The following KIF9 variants were observed in gnomAD, a reference collection of about 807,000 sequenced individuals.
The protein encoded by KIF9 is kinesin-like protein KIF9.
A neutral mutation model predicts 94.8 loss-of-function variants in KIF9; 68 were observed. That is an observed-to-expected ratio of 0.72 (90% CI 0.59 to 0.88). KIF9 has a LOEUF of 0.88. Ranked by LOEUF, KIF9 falls within the 40% of genes least tolerant of loss-of-function variation. The probability of loss-of-function intolerance (pLI) is 0.00; values close to 1 mark genes in which losing one functional copy is unlikely to be tolerated. For synonymous variants in KIF9, 343 were observed against 362.1 expected (o/e 0.95, Z 0.60); for missense variants, 882 against 982.5 (o/e 0.90, Z 1.37).
intron 12 of KIF9, chr3:47,246,525 C>A: frequency 9.0e-6 from 2 of 222,906 alleles, no homozygotes; most frequent in Non-Finnish European, 1.7e-5. Flanking sequence ...TGAAATGATT[C>A]TATACCTTGA....
chr3:47,243,239 C>T lies in KIF9; in HGVS notation c.1521G>A (p.Leu507=). The part of the protein sequence containing the change: ...KKTFKEPLSS[L]ARKEGASSPV... ...GGCTGCTGGCACCTTCCTTTCTTGC[C>T]AAGGAGCTGGAAGAAGGCACGGAAG... The change falls in exon 16 of 21, where the codon TTG becomes TTA. Residue 507 remains leucine (L), a synonymous_variant. Coordinates refer to ENST00000684063, the MANE Select transcript of KIF9 (RefSeq NM_182902.4). 1 of 1,608,486 alleles carries T rather than the reference C, an allele frequency of 6.2e-7. No individual in the cohort carries two copies. Among genetic ancestry groups the T allele is most frequent in the Non-Finnish European group, 8.5e-7 (1 of 1,176,176 alleles).
At chr3:47,269,505 C>T (rs919742268) in intron 5 of KIF9, among the ~76,000 whole-genome samples, 1 of 152,188 alleles carries the variant, frequency 6.6e-6, no homozygotes, top group African/African-American at 2.4e-5. Context: ...TGGTCTTGAA[C>T]TCATGAGCTC....
chr3:47,257,507 G>A lies in KIF9; in HGVS notation c.1035C>T (p.Ala345=). 6.2e-7 allele frequency: 1 copy of A among 1,613,968 alleles called. No individual in the cohort carries two copies. The highest frequency in any genetic ancestry group is 1.1e-5 in the South Asian group (1 of 91,084). Residue 345 remains alanine (A), a synonymous_variant, in exon 10 of 21, where the codon GCC becomes GCT. Transcript: ENST00000684063. ...SRMKLVTTEP[A]INEKYDAERM... is the part of the protein sequence containing the mutation. ...CCTCAGCATCATACTTTTCATTGAT[G>A]GCAGGCTCAGTGGTGACTAGCTTCA...
intron 20 of KIF9, among the ~76,000 whole-genome samples, chr3:47,235,100 A>T (rs1462888840): frequency 1.3e-5 from 2 of 152,132 alleles, no homozygotes; most frequent in Non-Finnish European, 2.9e-5. Context: ...CACCAGCCTA[A>T]CCTGCTCGAG....
chr3:47,232,330 G>A lies in KIF9; in HGVS notation c.2322+3183C>T, dbSNP rs185455948. 6.4e-4 allele frequency among the ~76,000 whole-genome samples: 98 copies of A among 152,054 alleles called. 1 individual carries two copies. The highest frequency in any genetic ancestry group is 6.3e-4 in the Non-Finnish European group (43 of 67,994). On this transcript the variant is annotated intron_variant, in intron 20 of 20. Transcript: ENST00000684063. The stretch of plus-strand genomic sequence containing the variant: ...TACGGAGTCTCACTCTGTCACCCAG[G>A]CTGGAGTGCAGTGGTGCGATCTCAG...
intron 19 of KIF9, 86 bp downstream of exon 19, chr3:47,235,948 T>C: frequency 2.0e-6 from 2 of 1,018,846 alleles, no homozygotes; most frequent in Non-Finnish European, 3.0e-6. Context: ...CACACTGCCA[T>C]CTTTGTGTTG....
At chr3:47,232,980 CAAAAA>C (rs1162797241) in intron 20 of KIF9, among the ~76,000 whole-genome samples, 1 of 48,620 alleles carries the variant, frequency 2.1e-5, no homozygotes. Flanking sequence ...GACTCCATCT[CAAAAA>C]AAAAAAAAAA....
At chr3:47,261,155 A>G (rs1417680205) in intron 9 of KIF9, among the ~76,000 whole-genome samples, 2 of 152,246 alleles carry the variant, frequency 1.3e-5, no homozygotes, top group Non-Finnish European at 2.9e-5. Context: ...GCAGAGGTCT[A>G]AAATGTGTGT....
intron 1 of KIF9, among the ~76,000 whole-genome samples, chr3:47,281,989 A>G (rs1311519330): frequency 6.6e-6 from 1 of 152,140 alleles, no homozygotes; most frequent in African/African-American, 2.4e-5. Flanking sequence ...ACTGGGTCCA[A>G]CTGCACCTGG....
intron 8 of KIF9, among the ~76,000 whole-genome samples, chr3:47,264,863 C>A (rs1021123523): frequency 6.6e-6 from 1 of 152,132 alleles, no homozygotes; most frequent in Non-Finnish European, 1.5e-5. Context: ...GAGGGTGGGG[C>A]CCCCATGATG....
chr3:47,282,614 A>G lies in KIF9; in HGVS notation c.-125T>C. 1 of 1,107,276 alleles carries G rather than the reference A, an allele frequency of 9.0e-7. No homozygotes were observed. The highest frequency in any genetic ancestry group is 1.7e-5 in the African/African-American group (1 of 60,434). The allele number at this position is 1,107,276 out of a possible 1,614,324, so 68.6% of individuals were successfully genotyped here. On this transcript the variant is annotated 5_prime_UTR_variant, in exon 1 of 21. Coordinates refer to ENST00000684063, the MANE Select transcript of KIF9 (RefSeq NM_182902.4). ...CCATGGCAACGGGTCGCTTCCGGGG[A>G]TTCCGGAAGTGTCGGGGTGGCGGAA... is the stretch of plus-strand genomic sequence containing the variant.
chr3:47,273,074 C>T (rs941447103), intron 4 of KIF9, among the ~76,000 whole-genome samples: 7 of 152,160 alleles, frequency 4.6e-5, no homozygotes, highest in South Asian at 2.1e-4. Context: ...TGAGACCCCC[C>T]GGGCTGACAC....
Position 47,282,761 on chromosome 3 carries a change from G to C in KIF9, c.-272C>G. 7.0e-7 allele frequency: 1 copy of C among 1,428,940 alleles called. No homozygotes were observed. Among genetic ancestry groups the C allele is most frequent in the Non-Finnish European group, 9.1e-7 (1 of 1,095,770 alleles). The allele number at this position is 1,428,940 out of a possible 1,614,324, so 88.5% of individuals were successfully genotyped here. ...GATGCACATGCGAAGTCAAGGTCGAGATAGCGAGGGAACGAAGGCCGCACA... is the reference window on the plus strand; with the variant it reads ...GATGCACATGCGAAGTCAAGGTCGACATAGCGAGGGAACGAAGGCCGCACA... On this transcript the variant is annotated 5_prime_UTR_variant, in exon 1 of 21. In the 5' UTR this introduces an upstream ATG that the reference lacks. Coordinates refer to ENST00000684063, the MANE Select transcript of KIF9 (RefSeq NM_182902.4).
chr3:47,251,874 T>G lies in KIF9; in HGVS notation c.1060-3788A>C, dbSNP rs1343004071. On this transcript the variant is annotated intron_variant, in intron 10 of 20. Transcript: ENST00000684063. ...TACACCACTTCACAGAATCACCGACTGGCAGAGTGGGAGGGTCACTGCAGG... is the reference window on the plus strand; with the variant it reads ...TACACCACTTCACAGAATCACCGACGGGCAGAGTGGGAGGGTCACTGCAGG... Among the ~76,000 whole-genome samples the G allele has an allele frequency of 2.6e-5, 4 of 152,222 alleles. No individual in the cohort carries two copies. In the East Asian group the frequency reaches 5.8e-4, roughly 22 times the overall value.
At chr3:47,241,758 T>C (rs1699523005) in intron 16 of KIF9, among the ~76,000 whole-genome samples, 1 of 146,308 alleles carries the variant, frequency 6.8e-6, no homozygotes, top group African/African-American at 2.5e-5. Flanking sequence ...TACGTATATA[T>C]ACATATATAC....
chr3:47,273,530 C>T, intron 4 of KIF9, 22 bp downstream of exon 4: 2 of 1,555,038 alleles, frequency 1.3e-6, no homozygotes, highest in Non-Finnish European at 1.8e-6. Context: ...TGTGGCATCC[C>T]ACCCTTGGGC....
At chr3:47,259,366 A>C (rs1479611659) in intron 9 of KIF9, among the ~76,000 whole-genome samples, 1 of 152,180 alleles carries the variant, frequency 6.6e-6, no homozygotes, top group African/African-American at 2.4e-5. Context: ...CCACAAGGCC[A>C]TGTCAGGACA....
chr3:47,273,769 G>C, intron 3 of KIF9, 111 bp from the exon 4 acceptor site: 1 of 888,986 alleles, frequency 1.1e-6, no homozygotes, highest in Non-Finnish European at 1.8e-6. Flanking sequence ...AAGATGGCCA[G>C]TGGGGGCAGC....
intron 9 of KIF9, 167 bp downstream of exon 9, chr3:47,264,119 T>C: frequency 1.6e-6 from 1 of 614,478 alleles, no homozygotes; most frequent in East Asian, 3.0e-5. Flanking sequence ...GTGTGGATCC[T>C]AGCTCTGGGC....
Sources: allele counts gnomAD v4.1 joint callset (sites outside exome capture counted in the v4.1 genomes callset), GRCh38; gene constraint gnomAD v4.1.1; transcripts MANE v1.5; gene names NCBI Gene and HGNC (gene_info 2026-07-23, HGNC 2026-07-21).